RBFOX1: variants seen among roughly 807,000 people sequenced by gnomAD.
RBFOX1 encodes the protein RNA binding protein fox-1 homolog 1.
In RBFOX1, 8 loss-of-function variants were observed where a neutral mutation model predicts 57.7. The observed-to-expected ratio is 0.14, with a 90% CI of 0.08 to 0.25. The LOEUF is 0.25. Ranked by LOEUF, RBFOX1 falls within the 10% of genes least tolerant of loss-of-function variation. The pLI is 1.00. For missense variants in RBFOX1, 611 were observed against 548.5 expected (o/e 1.11, Z -1.14); for synonymous variants, 326 against 222.4 (o/e 1.47, Z -4.15).
chr16:5,283,239 G>T (rs139148508), intron 1 of RBFOX1, among the ~76,000 whole-genome samples: 3,632 of 152,314 alleles, frequency 0.024, 156 homozygotes, highest in African/African-American at 0.083. Context: ...GCAGTTTGCT[G>T]CAGGGGCAGG....
At chr16:6,383,461 T>C (rs1403752609) in intron 2 of RBFOX1, among the ~76,000 whole-genome samples, 1 of 152,156 alleles carries the variant, frequency 6.6e-6, no homozygotes, top group African/African-American at 2.4e-5. Flanking sequence ...ATTCACTGAA[T>C]GCACCAAGCC....
chr16:6,513,496 G>C (rs1265276084), intron 2 of RBFOX1, among the ~76,000 whole-genome samples: 1 of 152,154 alleles, frequency 6.6e-6, no homozygotes, highest in Non-Finnish European at 1.5e-5. Context: ...CACTTTGGGA[G>C]GTCGAGGCAG....
chr16:6,834,532 GTTAA>G (rs773045218), intron 3 of RBFOX1, among the ~76,000 whole-genome samples: 6 of 129,198 alleles, frequency 4.6e-5, no homozygotes, highest in South Asian at 2.7e-4. Context: ...GAATGAATCA[GTTAA>G]TTAATTAACA....
chr16:5,669,980 T>C (rs2049967993), intron 3 of RBFOX1, among the ~76,000 whole-genome samples: 2 of 152,218 alleles, frequency 1.3e-5, no homozygotes, highest in Admixed American at 1.3e-4. Context: ...GGTCTATCCA[T>C]ACAGCAGAGT....
chr16:7,258,028 A>T (rs1049765387), intron 4 of RBFOX1, among the ~76,000 whole-genome samples: 4 of 152,228 alleles, frequency 2.6e-5, no homozygotes, highest in Non-Finnish European at 5.9e-5. Context: ...TGTAATCAGC[A>T]CAACTGGTAG....
chr16:5,425,792 C>T (rs541864674), intron 1 of RBFOX1, among the ~76,000 whole-genome samples: 1 of 152,256 alleles, frequency 6.6e-6, no homozygotes, highest in African/African-American at 2.4e-5. Context: ...CCTGGAACCC[C>T]CCACGTCCCT....
At chr16:6,723,658 T>G (rs561477664) in intron 3 of RBFOX1, 1 of 152,338 alleles carries the variant, frequency 6.6e-6, no homozygotes, top group African/African-American at 2.4e-5. Flanking sequence ...CATATATTAG[T>G]ATTTTTGAGG....
intron 4 of RBFOX1, among the ~76,000 whole-genome samples, chr16:7,339,682 C>T (rs1321267220): frequency 6.6e-6 from 1 of 152,146 alleles, no homozygotes; most frequent in Non-Finnish European, 1.5e-5. Context: ...TCAGGTGATC[C>T]GCCCACTTCA....
intron 1 of RBFOX1, among the ~76,000 whole-genome samples, chr16:5,354,764 C>T (rs2065346017): frequency 6.6e-6 from 1 of 152,172 alleles, no homozygotes; most frequent in Non-Finnish European, 1.5e-5. Context: ...TCGAAGGTAC[C>T]AGGGCAGGCT....
At chr16:5,895,140 T>C in intron 4 of RBFOX1, among the ~76,000 whole-genome samples, 1 of 152,234 alleles carries the variant, frequency 6.6e-6, no homozygotes, top group East Asian at 1.9e-4. Context: ...AAAAGCCATG[T>C]CTTCAACCAT....
At chr16:7,308,493 A>G (rs879342466) in intron 4 of RBFOX1, among the ~76,000 whole-genome samples, 4 of 152,174 alleles carry the variant, frequency 2.6e-5, no homozygotes, top group Non-Finnish European at 5.9e-5. Context: ...AATCCACATT[A>G]GAGGGGGCAG....
rs183332372 is a variant in RBFOX1 at position 5,283,078 on chromosome 16, C to T, written c.219+42973C>T. 1.2e-3 allele frequency among the ~76,000 whole-genome samples: 184 copies of T among 152,292 alleles called. 1 individual carries two copies. The highest frequency in any genetic ancestry group is 2.0e-3 in the Non-Finnish European group (137 of 68,024). On this transcript the variant is annotated intron_variant, in intron 1 of 2. Coordinates refer to the RBFOX1 transcript ENST00000585867. ...GCAGCTAAAAGGAGCCAAGATACAA[C>T]GTAGGCTGTGACTTCAGAGGGTGCA...
At chr16:6,935,432 C>T (rs541358671) in intron 3 of RBFOX1, among the ~76,000 whole-genome samples, 1 of 152,124 alleles carries the variant, frequency 6.6e-6, no homozygotes, top group Non-Finnish European at 1.5e-5. Flanking sequence ...AAATCTTTTT[C>T]TCTCTCTTCT....
At chr16:6,561,965 C>G (rs561205985) in intron 2 of RBFOX1, among the ~76,000 whole-genome samples, 1 of 152,284 alleles carries the variant, frequency 6.6e-6, no homozygotes, top group East Asian at 1.9e-4. Flanking sequence ...TCACATCATC[C>G]ACCTAGATCT....
At chr16:6,522,850 C>T (rs957177068) in intron 2 of RBFOX1, among the ~76,000 whole-genome samples, 2 of 151,464 alleles carry the variant, frequency 1.3e-5, no homozygotes, top group Non-Finnish European at 3.0e-5. Flanking sequence ...TTCCTGCTCA[C>T]AAACTTCTCT....
At position 7,609,374 on chromosome 16, in the gene RBFOX1, G is replaced by T. The variant is rs1039637368; in HGVS notation, c.676+2036G>T. Among the ~76,000 whole-genome samples the T allele has an allele frequency of 2.6e-5, 4 of 152,118 alleles. No homozygotes were observed. The South Asian group carries it at 8.3e-4, about 32-fold the overall frequency. The stretch of plus-strand genomic sequence containing the variant: ...AAAATACCTAATATCCCCGTTACTT[G>T]TGCTTTCGTAGCCACAGACATATCT... On this transcript the variant is annotated intron_variant, in intron 10 of 15. Coordinates refer to ENST00000550418, the MANE Select transcript of RBFOX1 (RefSeq NM_018723.4).
At chr16:6,813,723 C>T (rs1215220917) in intron 3 of RBFOX1, among the ~76,000 whole-genome samples, 1 of 152,136 alleles carries the variant, frequency 6.6e-6, no homozygotes, top group South Asian at 2.1e-4. Context: ...AATCTTCTCC[C>T]TCTGTCCCTA....
intron 3 of RBFOX1, among the ~76,000 whole-genome samples, chr16:6,751,469 C>G (rs1489069219): frequency 2.0e-5 from 3 of 152,146 alleles, no homozygotes; most frequent in African/African-American, 7.2e-5. Context: ...TCCTGACTTC[C>G]TATGTCTTAG....
At position 6,892,775 on chromosome 16, in the gene RBFOX1, C is replaced by CCTCTCTCTCT. The variant is rs750285832; in HGVS notation, c.-15-159239_-15-159230dup. ...CATATTCTCAAAGCCTCCCTGTCTC[C>CCTCTCTCTCT]CTCTCTCTCTCTCTCTCTCTCTCTC... On this transcript the variant is annotated intron_variant, in intron 3 of 15. Transcript: ENST00000550418. Among the ~76,000 whole-genome samples, 172 of 84,544 alleles carry CCTCTCTCTCT rather than the reference C, an allele frequency of 2.0e-3. 4 individuals carry two copies. Among genetic ancestry groups the CCTCTCTCTCT allele is most frequent in the African/African-American group, 4.6e-3 (90 of 19,548 alleles). 55.5% of individuals were successfully genotyped at this position (84,544 alleles called of 152,430 possible). A position where few individuals can be genotyped will look rare whatever the true frequency, so the allele number is the denominator to read the frequency against.
Sources: gnomAD v4.1 joint callset for allele counts (sites outside exome capture counted in the v4.1 genomes callset) on GRCh38, gnomAD v4.1.1 for gene constraint, MANE v1.5 for transcripts, NCBI Gene and HGNC (gene_info 2026-07-23, HGNC 2026-07-21) for gene names.